Variants in TARBP1 observed in about 807,000 individuals in gnomAD.
The protein encoded by TARBP1 is tRNA (guanosine(18)-2'-O)-methyltransferase TARBP1.
A neutral mutation model predicts 178.6 loss-of-function variants in TARBP1; 144 were observed. That is an observed-to-expected ratio of 0.81 (90% CI 0.70 to 0.93). TARBP1 has a LOEUF of 0.93. TARBP1 is among the 40% of genes least tolerant of loss of function. The pLI is 0.00. For synonymous variants in TARBP1, 787 were observed against 781.0 expected, an observed-to-expected ratio of 1.01 and a Z score of -0.13; for missense variants, 2,067 against 2,011.7, an observed-to-expected ratio of 1.03 and a Z score of -0.53.
At chr1:234,392,773 C>G in intron 28 of TARBP1, 1 of 278,984 alleles carries the variant, frequency 3.6e-6, no homozygotes, top group African/African-American at 2.3e-5. Flanking sequence ...TGCAGTGGCG[C>G]GATCTTGGCT....
intron 12 of TARBP1, among the ~76,000 whole-genome samples, chr1:234,445,105 C>A (rs537890544): frequency 1.3e-5 from 2 of 152,276 alleles, no homozygotes; most frequent in Non-Finnish European, 2.9e-5. Flanking sequence ...TTCCATGTTG[C>A]TAAATTGGAT....
In TARBP1 at chr1:234,391,503, ATCTG is replaced by A. The variant is rs2103023547; in HGVS notation, c.*70_*73del. ...ACAAATTATCACAATAAATTTCAGA[ATCTG>A]TTTCTTTAGTCCAAATAGTTTTTTT... is the stretch of plus-strand genomic sequence containing the variant. On this transcript the variant is annotated 3_prime_UTR_variant, in exon 30 of 30. Transcript: ENST00000040877. 1 of 1,422,206 alleles carries A rather than the reference ATCTG, an allele frequency of 7.0e-7. No homozygotes were observed. The highest frequency in any genetic ancestry group is 2.4e-5 in the East Asian group (1 of 42,068). The allele number at this position is 1,422,206 out of a possible 1,614,324, so 88.1% of individuals were successfully genotyped here. A position where few individuals can be genotyped will look rare whatever the true frequency, so the allele number is the denominator to read the frequency against.
chr1:234,414,810 C>G (rs977343974), intron 22 of TARBP1, among the ~76,000 whole-genome samples: 1 of 152,036 alleles, frequency 6.6e-6, no homozygotes, highest in Non-Finnish European at 1.5e-5. Flanking sequence ...CATGGTAAAA[C>G]CCATCTCTAC....
At position 234,427,578 on chromosome 1, in the gene TARBP1, T is replaced by C; in HGVS notation, c.3249A>G (p.Gln1083=). The C allele has an allele frequency of 1.3e-6, 2 of 1,595,570 alleles. No individual in the cohort carries two copies. Among genetic ancestry groups the C allele is most frequent in the East Asian group, 4.5e-5 (2 of 44,516 alleles). ...CIFGTVFRRD[Q]RLVQDVQTFI... ...GTTGAAATAATAGCATCTTTTACCT[T>C]TGATCACGCCTAAACACAGTTCCAA... Residue 1083 remains glutamine, a splice_region_variant and synonymous_variant, in exon 18 of 30, where the codon CAA becomes CAG. Transcript: ENST00000040877.
intron 20 of TARBP1, 99 bp from the exon 21 acceptor site, chr1:234,420,911 A>C (rs1455114041): frequency 1.5e-6 from 1 of 648,022 alleles, no homozygotes; most frequent in Non-Finnish European, 2.6e-6. Context: ...GGCTTAAATT[A>C]GGCACAGGGG....
intron 5 of TARBP1, 64 bp from the exon 6 acceptor site, chr1:234,463,998 T>G: frequency 9.6e-7 from 1 of 1,037,052 alleles, no homozygotes; most frequent in South Asian, 2.1e-5. Flanking sequence ...ACACTAAAAC[T>G]AGCCTAAATG....
chr1:234,430,760 T>C (rs1442224753), intron 14 of TARBP1, among the ~76,000 whole-genome samples: 1 of 152,184 alleles, frequency 6.6e-6, no homozygotes, highest in Non-Finnish European at 1.5e-5. Context: ...TAATTCCTTC[T>C]ATCAGCTGCA....
In TARBP1 at chr1:234,446,808, T is replaced by C. The variant is rs760613074; in HGVS notation, c.2129A>G (p.Gln710Arg). 6.2e-7 allele frequency: 1 copy of C among 1,613,726 alleles called. No homozygotes were observed. The highest frequency in any genetic ancestry group is 1.7e-5 in the Admixed American group (1 of 59,952). Residue 710 changes from glutamine to arginine, a missense_variant, in exon 12 of 30, where the codon CAA (glutamine) becomes CGA (arginine). Coordinates refer to ENST00000040877, the MANE Select transcript of TARBP1 (RefSeq NM_005646.4). ...NTCRLKGSSA[Q>R]DDEVSTVLQN... is the part of the protein sequence containing the mutation. ...GAGAAACAACTTATCCTCACCATCT[T>C]GGGCACTGGAACCTTTCAACCTGCA...
At chr1:234,476,508 C>G (rs1669581538) in intron 1 of TARBP1, among the ~76,000 whole-genome samples, 1 of 152,176 alleles carries the variant, frequency 6.6e-6, no homozygotes, top group African/African-American at 2.4e-5. Flanking sequence ...AGGAAAACCT[C>G]TGATGATCTG....
chr1:234,431,864 G>A (rs1426911562), intron 14 of TARBP1, among the ~76,000 whole-genome samples: 16 of 151,900 alleles, frequency 1.1e-4, no homozygotes, highest in African/African-American at 3.6e-4. Context: ...TTGGCCAGGC[G>A]TGGTGGCTCA....
intron 24 of TARBP1, among the ~76,000 whole-genome samples, chr1:234,401,581 C>CT (rs1461094527): frequency 1.3e-5 from 2 of 152,178 alleles, no homozygotes; most frequent in African/African-American, 4.8e-5. Flanking sequence ...GTTGTACCTA[C>CT]TTTCACAAAC....
intron 9 of TARBP1, among the ~76,000 whole-genome samples, chr1:234,456,327 A>C (rs1277342321): frequency 6.6e-6 from 1 of 152,196 alleles, no homozygotes; most frequent in African/African-American, 2.4e-5. Flanking sequence ...CAGCCTCCCA[A>C]GTAGCTGAGA....
chr1:234,391,712 G>C lies in TARBP1; in HGVS notation c.4731C>G (p.Ile1577Met). The C allele has an allele frequency of 6.2e-7, 1 of 1,613,544 alleles. No homozygotes were observed. Among genetic ancestry groups the C allele is most frequent in the Non-Finnish European group, 8.5e-7 (1 of 1,179,936 alleles). ...TTTCCACACAAACGTCCAACTGTTG[G>C]ATCAGATTTGCTGGAATTCCCTCAC... is the stretch of plus-strand genomic sequence containing the variant. ...NEREGIPANL[I>M]QQLDVCVEIP... The change falls in exon 30 of 30, where the codon ATC (isoleucine) becomes ATG (methionine). Residue 1577 changes from isoleucine to methionine, a missense_variant. Transcript: ENST00000040877.
chr1:234,418,593 C>T (rs563823445), intron 21 of TARBP1, among the ~76,000 whole-genome samples: 126 of 152,278 alleles, frequency 8.3e-4, no homozygotes, highest in Non-Finnish European at 1.6e-3. Context: ...GGGCTTAAAC[C>T]TTGTAACAAG....
Position 234,393,370 on chromosome 1 carries a change from G to C in TARBP1, c.4552C>G (p.Leu1518Val), listed in dbSNP as rs1447490235. 1.9e-6 allele frequency: 3 copies of C among 1,553,142 alleles called. No homozygotes were observed. The Admixed American group carries it at 5.7e-5, about 30-fold the overall frequency. ...AATTACTTTCCACCCACCTCCACTA[G>C]AGGAAGCCACTGTTCTGCAGAGACA... ...LSVSAEQWLP[L>V]VEVKPPQLID... is the part of the protein sequence containing the mutation. The change falls in exon 28 of 30, where the codon CTA (leucine) becomes GTA (valine). Residue 1518 changes from leucine to valine, a missense_variant. Transcript: ENST00000040877.
intron 12 of TARBP1, among the ~76,000 whole-genome samples, chr1:234,438,706 T>C (rs112471372): frequency 2.0e-5 from 3 of 152,094 alleles, no homozygotes; most frequent in Admixed American, 6.6e-5. Context: ...AGAAAGACAG[T>C]GGGGCTGAAG....
rs2103222014 is a variant in TARBP1, at chr1:234,450,435, A to C, written c.1854T>G (p.Ala618=). 1 of 1,576,180 alleles carries C rather than the reference A, an allele frequency of 6.3e-7. No individual in the cohort carries two copies. The highest frequency in any genetic ancestry group is 2.3e-5 in the East Asian group (1 of 42,748). Reference sequence around the variant, plus strand: ...AAATGATTGCAGACTTACTTTCCCAAGCAGATGACTTAACATACTCTTGAA... The same window carrying C: ...AAATGATTGCAGACTTACTTTCCCACGCAGATGACTTAACATACTCTTGAA... ...SIVQEYVKSS[A]WETGENCFMP... is the part of the protein sequence containing the mutation. The change falls in exon 10 of 30, where the codon GCT becomes GCG. Residue 618 remains alanine, a synonymous_variant. Transcript: ENST00000040877.
In TARBP1 at chr1:234,403,907, C is replaced by T. The variant is rs563257029; in HGVS notation, c.3989+1996G>A. ...TTCACCATGTTGGTCAGGCTGGTCTCGAACTCCTGACCTCAGGCGATCCAC... is the reference window on the plus strand; with the variant it reads ...TTCACCATGTTGGTCAGGCTGGTCTTGAACTCCTGACCTCAGGCGATCCAC... On this transcript the variant is annotated intron_variant, in intron 24 of 29. Transcript: ENST00000040877. 7.2e-5 allele frequency among the ~76,000 whole-genome samples: 11 copies of T among 152,202 alleles called. No homozygotes were observed. The South Asian group carries it at 2.1e-3, about 29-fold the overall frequency.
At chr1:234,469,558 A>C (rs1237848426) in intron 3 of TARBP1, among the ~76,000 whole-genome samples, 3 of 152,252 alleles carry the variant, frequency 2.0e-5, no homozygotes, top group African/African-American at 4.8e-5. Context: ...CAACTACAGC[A>C]ATCAGCTGAA....
Sources: allele counts gnomAD v4.1 joint callset (sites outside exome capture counted in the v4.1 genomes callset), GRCh38; gene constraint gnomAD v4.1.1; transcripts MANE v1.5; gene names NCBI Gene and HGNC (gene_info 2026-07-23, HGNC 2026-07-21).